NKAP: variants seen among roughly 807,000 people sequenced by gnomAD.
The protein encoded by NKAP is NF-kappa-B-activating protein.
A neutral mutation model predicts 35.6 loss-of-function variants in NKAP; 4 were observed. That is an observed-to-expected ratio of 0.11 (90% CI 0.06 to 0.26). The LOEUF (loss-of-function observed/expected upper bound fraction) is 0.26. Among genes scored for constraint, NKAP ranks in the 10% least tolerant of loss-of-function variants. The pLI is 1.00. For synonymous variants in NKAP, 106 were observed against 119.2 expected (o/e 0.89, Z 0.72); for missense variants, 238 against 321.9 (o/e 0.74, Z 1.99).
intron 7 of NKAP, 143 bp from the exon 8 acceptor site, chrX:119,930,308 G>C: frequency 1.9e-6 from 1 of 535,710 alleles, no homozygotes; most frequent in Admixed American, 4.5e-5. Flanking sequence ...AGTGTGCTAG[G>C]AAGCTCAATG....
intron 1 of NKAP, among the ~76,000 whole-genome samples, chrX:119,941,804 C>G (rs985525394): frequency 5.4e-5 from 6 of 111,150 alleles, no homozygotes; most frequent in Non-Finnish European, 1.1e-4. Context: ...TTTTAAAACA[C>G]TTTTTGTAGA....
At chrX:119,929,111 G>C (rs1375977265) in intron 8 of NKAP, among the ~76,000 whole-genome samples, 1 of 110,839 alleles carries the variant, frequency 9.0e-6, no homozygotes, top group Non-Finnish European at 1.9e-5. Context: ...GCCCAGGCTA[G>C]TCTTGAACTC....
chrX:119,937,331 T>G (rs1434582137), intron 2 of NKAP: 1 of 111,400 alleles, frequency 9.0e-6, no homozygotes, highest in Admixed American at 9.6e-5. Flanking sequence ...TTATTTTGGC[T>G]GGGTGCAGTG....
Position 119,943,534 on chromosome X carries a change from C to G in NKAP, c.72G>C (p.Ser24=), listed in dbSNP as rs745879274. The G allele has an allele frequency of 1.7e-6, 2 of 1,208,072 alleles. No individual in the cohort carries two copies. The highest frequency in any genetic ancestry group is 2.2e-5 in the Admixed American group (1 of 45,871). ...ATTTGCTGGGCTTCGGACTCTTCGA[C>G]GAACTGCGACGTCTTCCCCCCGAGC... ...ASGSGGRRRS[S]SKSPKPSKSA... Residue 24 remains serine (S), a synonymous_variant, in exon 1 of 9, where the codon TCG becomes TCC. Transcript: ENST00000371410.
At position 119,943,503 on chromosome X, in the gene NKAP, G is replaced by A; in HGVS notation, c.103C>T (p.Arg35Cys). 1 of 1,211,501 alleles carries A rather than the reference G, an allele frequency of 8.3e-7. No homozygotes were observed. Among genetic ancestry groups the A allele is most frequent in the Non-Finnish European group, 1.1e-6 (1 of 895,246 alleles). Residue 35 changes from arginine to cysteine, a missense_variant, in exon 1 of 9, where the codon CGC becomes TGC. Around this residue, in one of 5 missense-constraint regions of NKAP, gnomAD observed 123 missense variants for 115.3 expected, o/e 1.07. Coordinates refer to ENST00000371410, the MANE Select transcript of NKAP (RefSeq NM_024528.4). ...CGAGAGCGGCGGCCCCGCGGGGAGC[G>A]GGCAGATTTGCTGGGCTTCGGACTC... ...SKSPKPSKSARSPRGRRSRSH... is the reference protein window; with the variant it reads ...SKSPKPSKSACSPRGRRSRSH...
chrX:119,926,939 T>TAA (rs2056717262), intron 8 of NKAP, among the ~76,000 whole-genome samples: 1 of 102,037 alleles, frequency 9.8e-6, no homozygotes, highest in Non-Finnish European at 2.0e-5. Context: ...TGGGCACCCG[T>TAA]AATCCCAGCT....
At chrX:119,932,442 A>C in intron 5 of NKAP, 1 of 259,753 alleles carries the variant, frequency 3.8e-6, no homozygotes, top group Non-Finnish European at 6.5e-6. Flanking sequence ...ACAGAGCAAG[A>C]CCCCGTCTCT....
At chrX:119,940,717 C>A (rs1169018813) in intron 1 of NKAP, among the ~76,000 whole-genome samples, 3 of 112,134 alleles carry the variant, frequency 2.7e-5, no homozygotes, top group African/African-American at 9.7e-5. Context: ...CAGAGTCAGA[C>A]TGAGAGGGTT....
At chrX:119,942,213 C>A (rs2147851010) in intron 1 of NKAP, among the ~76,000 whole-genome samples, 1 of 111,342 alleles carries the variant, frequency 9.0e-6, no homozygotes, top group South Asian at 3.8e-4. Context: ...GGGGTCATAC[C>A]TGTAATCTCA....
intron 1 of NKAP, 139 bp downstream of exon 1, chrX:119,943,081 G>A: frequency 1.2e-6 from 1 of 805,407 alleles, no homozygotes; most frequent in Non-Finnish European, 1.8e-6. Flanking sequence ...TGTCGTGGGT[G>A]GATTAAAGAA....
chrX:119,934,430 CAAAAAAAAAA>C lies in NKAP; in HGVS notation c.737+54_737+63del, dbSNP rs369386190. The C allele has an allele frequency of 1.4e-4, 27 of 188,849 alleles. No homozygotes were observed. The African/African-American group carries it at 2.8e-3, about 20-fold the overall frequency. The allele number at this position is 188,849 out of a possible 1,213,427, so 15.6% of individuals were successfully genotyped here. The stretch of plus-strand genomic sequence containing the variant: ...TGCCTGACAGAGTGAGACTCTGTCT[CAAAAAAAAAA>C]AAAAAAAAAAAAAAAGAAAAGAAAT... On this transcript the variant is annotated intron_variant, in intron 5 of 8. Coordinates refer to ENST00000371410, the MANE Select transcript of NKAP (RefSeq NM_024528.4).
chrX:119,925,900 T>C (rs1341353576), intron 8 of NKAP, among the ~76,000 whole-genome samples: 5 of 103,548 alleles, frequency 4.8e-5, no homozygotes, highest in Non-Finnish European at 9.8e-5. Flanking sequence ...TCTGATTTCC[T>C]GTCAACATAG....
rs188656368 is a variant in NKAP, at chrX:119,934,363, G to T, written c.737+131C>A. 3.0e-5 allele frequency: 11 copies of T among 367,090 alleles called. No homozygotes were observed. In the East Asian group the frequency reaches 5.9e-4, roughly 20 times the overall value. 30.3% of individuals were successfully genotyped at this position (367,090 alleles called of 1,213,427 possible). A position where few individuals can be genotyped will look rare whatever the true frequency, so the allele number is the denominator to read the frequency against. On this transcript the variant is annotated intron_variant, in intron 5 of 8. Coordinates refer to ENST00000371410, the MANE Select transcript of NKAP (RefSeq NM_024528.4). ...CATGAGAATCGCTTGAACCTGGGAGGCGGAGGTTGTAGTTAGCTGACATCG... is the reference window on the plus strand; with the variant it reads ...CATGAGAATCGCTTGAACCTGGGAGTCGGAGGTTGTAGTTAGCTGACATCG...
intron 2 of NKAP, chrX:119,937,628 GAAGA>G (rs2056773045): frequency 2.3e-5 from 2 of 86,349 alleles, no homozygotes; most frequent in Admixed American, 1.3e-4. Context: ...AAAAAAAAAA[GAAGA>G]AAGAAAACTA....
chrX:119,922,939 G>A lies in NKAP; in HGVS notation c.*2281C>T, dbSNP rs1224188997. The A allele has an allele frequency of 1.8e-5, 2 of 111,115 alleles. No homozygotes were observed. The highest frequency in any genetic ancestry group is 3.3e-5 in the African/African-American group (1 of 30,597). 9.2% of individuals were successfully genotyped at this position (111,115 alleles called of 1,213,427 possible). A position where few individuals can be genotyped will look rare whatever the true frequency, so the allele number is the denominator to read the frequency against. ...AACCTTAACAAAAACGGCCAGGCACGGTTGCTCACACCTGTAATCCCAGCA... is the reference window on the plus strand; with the variant it reads ...AACCTTAACAAAAACGGCCAGGCACAGTTGCTCACACCTGTAATCCCAGCA... On this transcript the variant is annotated 3_prime_UTR_variant, in exon 9 of 9. Coordinates refer to ENST00000371410, the MANE Select transcript of NKAP (RefSeq NM_024528.4).
intron 1 of NKAP, chrX:119,942,929 G>A (rs1399088075): frequency 3.6e-6 from 1 of 280,770 alleles, no homozygotes; most frequent in African/African-American, 2.7e-5. Flanking sequence ...GACACAACCA[G>A]GTAAATGCTA....
intron 5 of NKAP, among the ~76,000 whole-genome samples, chrX:119,933,695 T>A (rs759556800): frequency 2.7e-5 from 3 of 111,279 alleles, no homozygotes; most frequent in Non-Finnish European, 3.8e-5. Flanking sequence ...GTTTTTTTTT[T>A]AAATATAGAG....
At chrX:119,938,568 A>G (rs2056777602) in intron 2 of NKAP, among the ~76,000 whole-genome samples, 162 bp downstream of exon 2, 1 of 112,388 alleles carries the variant, frequency 8.9e-6, no homozygotes, top group African/African-American at 3.2e-5. Context: ...TAATCTTTAG[A>G]TATGTTCTAT....
At chrX:119,927,218 C>T (rs1359367377) in intron 8 of NKAP, among the ~76,000 whole-genome samples, 3 of 108,415 alleles carry the variant, frequency 2.8e-5, no homozygotes, top group African/African-American at 6.7e-5. Flanking sequence ...CAGGTTCAAC[C>T]GATTCTCCTG....
Sources: allele counts gnomAD v4.1 joint callset (sites outside exome capture counted in the v4.1 genomes callset), GRCh38; gene constraint gnomAD v4.1.1; regional missense constraint gnomAD v4.1.1; transcripts MANE v1.5; gene names NCBI Gene and HGNC (gene_info 2026-07-23, HGNC 2026-07-21).